The following IGF2R variants were observed in gnomAD, a reference collection of about 807,000 sequenced individuals.
IGF2R encodes the protein insulin like growth factor 2 receptor.
IGF2R carries 91 observed loss-of-function variants against 270.6 expected under a neutral mutation model. That is an observed-to-expected ratio of 0.34 (90% CI 0.28 to 0.40). The LOEUF (loss-of-function observed/expected upper bound fraction) is 0.40, where lower values mean the gene tolerates loss of function less well. Ranked by LOEUF, IGF2R falls within the 10% of genes least tolerant of loss-of-function variation. IGF2R has a pLI of 1.00. For synonymous variants in IGF2R, 1,316 were observed against 1,258.9 expected (o/e 1.05, Z -0.96); for missense variants, 2,805 against 3,188.3 (o/e 0.88, Z 2.90).
chr6:160,027,375 G>C, intron 6 of IGF2R, 61 bp downstream of exon 6: 1 of 1,523,326 alleles, frequency 6.6e-7, no homozygotes, highest in Non-Finnish European at 8.8e-7. Flanking sequence ...CTGACTTTCA[G>C]GGAGCTGCAG....
At chr6:160,025,391 G>T (rs1777537911) in intron 5 of IGF2R, among the ~76,000 whole-genome samples, 1 of 152,278 alleles carries the variant, frequency 6.6e-6, no homozygotes, top group South Asian at 2.1e-4. Flanking sequence ...AATTCTGCTG[G>T]TGATTAACTA....
At position 160,109,028 on chromosome 6, in the gene IGF2R, T is replaced by C. The variant is rs1420444521; in HGVS notation, c.*3944T>C. The C allele has an allele frequency of 1.3e-5, 2 of 152,244 alleles. No homozygotes were observed. Among genetic ancestry groups the C allele is most frequent in the Non-Finnish European group, 2.9e-5 (2 of 68,048 alleles). 9.4% of individuals were successfully genotyped at this position (152,244 alleles called of 1,614,324 possible). On this transcript the variant is annotated 3_prime_UTR_variant, in exon 48 of 48. Transcript: ENST00000356956. ...CAGACTGAAGGTAGGCTGTGAATGGTCAGTTATTTGTATTTCTTTACCTTT... is the reference window on the plus strand; with the variant it reads ...CAGACTGAAGGTAGGCTGTGAATGGCCAGTTATTTGTATTTCTTTACCTTT...
chr6:159,969,178 C>T lies in IGF2R; in HGVS notation c.-69C>T. The T allele has an allele frequency of 1.1e-6, 1 of 930,986 alleles. No individual in the cohort carries two copies. Among genetic ancestry groups the T allele is most frequent in the Non-Finnish European group, 1.3e-6 (1 of 781,416 alleles). 57.7% of individuals were successfully genotyped at this position (930,986 alleles called of 1,614,324 possible). On this transcript the variant is annotated 5_prime_UTR_variant, in exon 1 of 48. Coordinates refer to ENST00000356956, the MANE Select transcript of IGF2R (RefSeq NM_000876.4). ...CTTTGCCCTGGCGGCGCGACCCCGT[C>T]CCGGGCGCGGCCCCCAGCAGTCGCG...
intron 37 of IGF2R, 33 bp downstream of exon 37, chr6:160,078,395 G>C: frequency 6.3e-7 from 1 of 1,596,592 alleles, no homozygotes; most frequent in Non-Finnish European, 8.6e-7. Context: ...TGCTGGTGCA[G>C]GTGTACCAGG....
At chr6:160,069,214 C>T (rs1278228317) in intron 30 of IGF2R, among the ~76,000 whole-genome samples, 2 of 152,162 alleles carry the variant, frequency 1.3e-5, no homozygotes, top group African/African-American at 4.8e-5. Flanking sequence ...TGGTACCACT[C>T]ATGGCCCCTC....
intron 34 of IGF2R, 37 bp downstream of exon 34, chr6:160,073,506 C>T (rs1308243980): frequency 6.2e-7 from 1 of 1,606,822 alleles, no homozygotes; most frequent in Non-Finnish European, 8.5e-7. Context: ...AGTGCATGTC[C>T]AGTGCCTGGC....
chr6:160,099,779 GAC>G (rs1360590564), intron 45 of IGF2R, among the ~76,000 whole-genome samples: 1 of 152,222 alleles, frequency 6.6e-6, no homozygotes, highest in Non-Finnish European at 1.5e-5. Context: ...ACCCTATGAG[GAC>G]ACACTGTACT....
At chr6:160,029,701 G>C (rs373798682) in intron 7 of IGF2R, 46 bp downstream of exon 7, 555 of 1,420,720 alleles carry the variant, frequency 3.9e-4, no homozygotes, top group Non-Finnish European at 5.3e-4. Context: ...ACAGTAGCCT[G>C]GGTTGCCCAT....
chr6:160,082,360 A>G (rs1779001919), intron 39 of IGF2R, among the ~76,000 whole-genome samples: 1 of 151,274 alleles, frequency 6.6e-6, no homozygotes, highest in African/African-American at 2.4e-5. Context: ...CCCAGGCTAG[A>G]GTGCAGTGGT....
chr6:160,061,442 CA>C, intron 23 of IGF2R, 60 bp from the exon 24 acceptor site: 1 of 1,512,620 alleles, frequency 6.6e-7, no homozygotes, highest in Non-Finnish European at 9.1e-7. Context: ...GGGTGAAAGG[CA>C]GTTCTTGAGT....
chr6:159,993,267 GT>G (rs982727282), intron 2 of IGF2R, among the ~76,000 whole-genome samples: 2 of 152,092 alleles, frequency 1.3e-5, no homozygotes, highest in African/African-American at 4.8e-5. Flanking sequence ...TTTTTGTTTT[GT>G]TGCATTTGCT....
At chr6:160,087,980 G>T (rs2114728988) in intron 41 of IGF2R, 53 bp from the exon 42 acceptor site, 1 of 1,224,698 alleles carries the variant, frequency 8.2e-7, no homozygotes, top group Middle Eastern at 1.9e-4. Flanking sequence ...CCTGCCTGAG[G>T]CTTTTTATAA....
intron 36 of IGF2R, among the ~76,000 whole-genome samples, chr6:160,077,961 C>CTT (rs1332453902): frequency 6.6e-6 from 1 of 152,238 alleles, no homozygotes; most frequent in Non-Finnish European, 1.5e-5. Flanking sequence ...GGCTTTCTCT[C>CTT]TAAGTAGAAG....
chr6:159,969,778 C>T (rs927043700), intron 1 of IGF2R, among the ~76,000 whole-genome samples: 2 of 152,180 alleles, frequency 1.3e-5, no homozygotes, highest in African/African-American at 4.8e-5. Context: ...GTTCCCGCTG[C>T]GCGTTTGCAT....
At chr6:160,073,061 T>C in intron 33 of IGF2R, 152 bp from the exon 34 acceptor site, 2 of 1,341,630 alleles carry the variant, frequency 1.5e-6, no homozygotes, top group Non-Finnish European at 2.1e-6. Flanking sequence ...GAATGAACAT[T>C]CAATGTAAAA....
intron 20 of IGF2R, 45 bp downstream of exon 20, chr6:160,056,570 A>G: frequency 1.6e-6 from 2 of 1,216,832 alleles, no homozygotes; most frequent in Non-Finnish European, 2.4e-6. Context: ...TGCCTGCTGG[A>G]CATCCTCAAC....
rs1167470344 is a variant in IGF2R at position 160,087,007 on chromosome 6, AAGC to A, written c.6206-1022_6206-1020del. ...CCAGAACAGCCCCCTGCGCAGCCAC[AAGC>A]AGCCTCTTGGTGGTGGCTTGAGAGT... On this transcript the variant is annotated intron_variant, in intron 41 of 47. Transcript: ENST00000356956. 3.4e-4 allele frequency among the ~76,000 whole-genome samples: 51 copies of A among 151,278 alleles called. 1 individual carries two copies. Among genetic ancestry groups the A allele is most frequent in the African/African-American group, 1.2e-3 (50 of 41,238 alleles).
chr6:160,002,468 A>T (rs181320509), intron 2 of IGF2R, among the ~76,000 whole-genome samples: 3 of 152,282 alleles, frequency 2.0e-5, no homozygotes, highest in Admixed American at 2.0e-4. Context: ...TCATATAAAG[A>T]TCTTCGTCCT....
chr6:160,040,758 A>C, intron 11 of IGF2R, 34 bp downstream of exon 11: 4 of 1,582,004 alleles, frequency 2.5e-6, no homozygotes, highest in Non-Finnish European at 3.5e-6. Flanking sequence ...GTCTTAGTCC[A>C]CATGCTCATG....
Sources: gnomAD v4.1 joint callset for allele counts (sites outside exome capture counted in the v4.1 genomes callset) on GRCh38, gnomAD v4.1.1 for gene constraint, MANE v1.5 for transcripts, NCBI Gene and HGNC (gene_info 2026-07-23, HGNC 2026-07-21) for gene names.